C1orf146: variants seen among roughly 807,000 people sequenced by gnomAD.
C1orf146 encodes protein SPO16 homolog.
Under a neutral mutation model 23.0 loss-of-function variants are expected in C1orf146, and 22 were observed. The observed-to-expected ratio is 0.96, with a 90% CI of 0.68 to 1.36. C1orf146 has a LOEUF of 1.36. Among genes scored for constraint, C1orf146 ranks in the 40% most tolerant of loss-of-function variants. The pLI, the probability that C1orf146 is intolerant of heterozygous loss-of-function variation, is 0.00. For synonymous variants in C1orf146, 59 were observed against 65.3 expected (o/e 0.90, Z 0.47); for missense variants, 199 against 206.8 (o/e 0.96, Z 0.23).
At chr1:92,231,559 T>G in intron 2 of C1orf146, 73 bp downstream of exon 2, 1 of 994,288 alleles carries the variant, frequency 1.0e-6, no homozygotes, top group African/African-American at 1.7e-5. Flanking sequence ...AACAACATTT[T>G]AAAAGGTTCT....
At chr1:92,232,187 A>G (rs1482168464) in intron 2 of C1orf146, among the ~76,000 whole-genome samples, 3 of 152,210 alleles carry the variant, frequency 2.0e-5, no homozygotes, top group African/African-American at 7.2e-5. Flanking sequence ...TATATATGTG[A>G]CATGCTGGTG....
chr1:92,233,109 T>A lies in C1orf146; in HGVS notation c.66+1623T>A, dbSNP rs1233595314. On this transcript the variant is annotated intron_variant, in intron 2 of 5. Transcript: ENST00000370375. ...CTTTTACTGTGCAGAAGCTCTTTAG[T>A]TTAATTAGATCCCATTTGTCAATTT... Among the ~76,000 whole-genome samples, 3 of 152,222 alleles carry A rather than the reference T, an allele frequency of 2.0e-5. No homozygotes were observed. The East Asian group carries it at 5.8e-4, about 29-fold the overall frequency.
intron 1 of C1orf146, among the ~76,000 whole-genome samples, chr1:92,218,403 G>A (rs1210739669): frequency 6.6e-6 from 1 of 152,102 alleles, no homozygotes; most frequent in Admixed American, 6.5e-5. Context: ...CAGGGAAAGT[G>A]ACTTGCTGGA....
At chr1:92,245,296 T>C (rs1378005432) in intron 5 of C1orf146, among the ~76,000 whole-genome samples, 5 of 152,214 alleles carry the variant, frequency 3.3e-5, no homozygotes, top group Non-Finnish European at 5.9e-5. Flanking sequence ...CTTGCTTTTA[T>C]ACTTGGAACA....
chr1:92,244,396 AT>A lies in C1orf146; in HGVS notation c.329+12del. ...CAGGATTCAGCAGAGGTATGGAAGA[AT>A]AGCATTATAGACTTATTTTTCTTAT... On this transcript the variant is annotated intron_variant, in intron 4 of 5. Coordinates refer to ENST00000370375, the MANE Select transcript of C1orf146 (RefSeq NM_001012425.2). 1 of 1,557,338 alleles carries A rather than the reference AT, an allele frequency of 6.4e-7. No individual in the cohort carries two copies. Among genetic ancestry groups the A allele is most frequent in the Non-Finnish European group, 8.7e-7 (1 of 1,155,380 alleles).
At chr1:92,222,621 C>A (rs913229738) in intron 1 of C1orf146, among the ~76,000 whole-genome samples, 1 of 125,950 alleles carries the variant, frequency 7.9e-6, no homozygotes, top group African/African-American at 3.1e-5. Flanking sequence ...GAGTCTTGCT[C>A]TGTTGCCCAG....
intron 2 of C1orf146, among the ~76,000 whole-genome samples, chr1:92,237,511 C>T (rs1373490395): frequency 6.6e-6 from 1 of 152,148 alleles, no homozygotes; most frequent in African/African-American, 2.4e-5. Context: ...TGTCAGTCTG[C>T]CCCTACTGGG....
chr1:92,240,235 C>T (rs1395926495), intron 2 of C1orf146, among the ~76,000 whole-genome samples: 1 of 152,224 alleles, frequency 6.6e-6, no homozygotes, highest in East Asian at 1.9e-4. Context: ...TCTTCTGCCT[C>T]TTTCTGAGCT....
rs769421787 is a variant in C1orf146, at chr1:92,244,804, C to T, written c.355C>T (p.Leu119Phe). The T allele has an allele frequency of 6.2e-7, 1 of 1,608,124 alleles. No individual in the cohort carries two copies. The highest frequency in any genetic ancestry group is 1.7e-5 in the Admixed American group (1 of 59,956). Reference protein sequence around the residue: ...QRFLGCNLRILPVHNTVNAIN... With the variant: ...QRFLGCNLRIFPVHNTVNAIN... ...ATTCCTGGGTTGTAACTTACGAATACTTCCAGTACACAACACAGTAAATGC... is the reference window on the plus strand; with the variant it reads ...ATTCCTGGGTTGTAACTTACGAATATTTCCAGTACACAACACAGTAAATGC... The change falls in exon 5 of 6, where the codon CTT becomes TTT. Residue 119 changes from leucine (L) to phenylalanine (F), a missense_variant. Transcript: ENST00000370375.
At chr1:92,245,430 A>C (rs1652580111) in intron 5 of C1orf146, 110 bp from the exon 6 acceptor site, 1 of 818,300 alleles carries the variant, frequency 1.2e-6, no homozygotes, top group Non-Finnish European at 1.9e-6. Flanking sequence ...TTTAGCACAA[A>C]GATGATCAAG....
intron 2 of C1orf146, among the ~76,000 whole-genome samples, chr1:92,239,311 A>G (rs1349180747): frequency 6.6e-6 from 1 of 152,098 alleles, no homozygotes; most frequent in Admixed American, 6.6e-5. Context: ...TTTTTATTAT[A>G]TGTTGGAATT....
chr1:92,224,958 G>A (rs1015358392), intron 1 of C1orf146, among the ~76,000 whole-genome samples: 6 of 151,982 alleles, frequency 3.9e-5, no homozygotes, highest in African/African-American at 1.5e-4. Context: ...GGCTAGGTTG[G>A]TCTCCATCTC....
rs549440786 is a variant in C1orf146, at chr1:92,241,497, G to A, written c.67-715G>A. On this transcript the variant is annotated intron_variant, in intron 2 of 5. Transcript: ENST00000370375. ...AGCCACCATGCCCAGCCTCCAAGTT[G>A]TTTGTTTTTTGAGGTAGAGTCTTGC... is the stretch of plus-strand genomic sequence containing the variant. Among the ~76,000 whole-genome samples, 4 of 151,852 alleles carry A rather than the reference G, an allele frequency of 2.6e-5. No homozygotes were observed. In the South Asian group the frequency reaches 8.3e-4, roughly 32 times the overall value.
chr1:92,237,244 C>T (rs1486800971), intron 2 of C1orf146, among the ~76,000 whole-genome samples: 1 of 152,092 alleles, frequency 6.6e-6, no homozygotes, highest in Admixed American at 6.6e-5. Flanking sequence ...GTTTTATCTA[C>T]TTTTGGTCTT....
At position 92,242,281 on chromosome 1, in the gene C1orf146, G is replaced by A. The variant is rs41286799; in HGVS notation, c.136G>A (p.Gly46Arg). Residue 46 changes from glycine (G) to arginine (R), a missense_variant, in exon 3 of 6, where the codon GGA becomes AGA. Coordinates refer to ENST00000370375, the MANE Select transcript of C1orf146 (RefSeq NM_001012425.2). ...TCGATATTCAGATTCAGTGGAAAAT[G>A]GATCAATTATATTTTCTCTTTCTGG... ...KVRYSDSVEN[G>R]SIIFSLSGVA... The A allele has an allele frequency of 2.5e-6, 4 of 1,594,206 alleles. No individual in the cohort carries two copies. In the Admixed American group the frequency reaches 5.1e-5, roughly 20 times the overall value.
chr1:92,220,953 C>T (rs1253055329), intron 1 of C1orf146, among the ~76,000 whole-genome samples: 3 of 152,110 alleles, frequency 2.0e-5, no homozygotes, highest in Non-Finnish European at 2.9e-5. Context: ...TAGATAATGC[C>T]TGCCAAGAAC....
intron 2 of C1orf146, among the ~76,000 whole-genome samples, chr1:92,238,584 C>T (rs1325784908): frequency 1.3e-5 from 2 of 151,776 alleles, no homozygotes; most frequent in African/African-American, 2.4e-5. Context: ...TTTCTCAATT[C>T]AATACTTTCT....
chr1:92,242,335 T>G, intron 3 of C1orf146, 30 bp downstream of exon 3: 8 of 1,166,550 alleles, frequency 6.9e-6, no homozygotes, highest in Non-Finnish European at 1.0e-5. Context: ...TGCCTTAAGT[T>G]TCTTATGAAA....
At chr1:92,236,370 C>T (rs189621076) in intron 2 of C1orf146, among the ~76,000 whole-genome samples, 12 of 152,154 alleles carry the variant, frequency 7.9e-5, no homozygotes, top group African/African-American at 1.4e-4. Context: ...ACTTATGAAG[C>T]GTAGTTTGGC....
Sources: allele counts gnomAD v4.1 joint callset (sites outside exome capture counted in the v4.1 genomes callset), GRCh38; gene constraint gnomAD v4.1.1; transcripts MANE v1.5; gene names NCBI Gene and HGNC (gene_info 2026-07-23, HGNC 2026-07-21).